The following CDH13 variants were observed in gnomAD, a reference collection of about 807,000 sequenced individuals.
The protein encoded by CDH13 is cadherin 13.
A neutral mutation model predicts 63.8 loss-of-function variants in CDH13; 24 were observed. That is an observed-to-expected ratio of 0.38 (90% confidence interval 0.27 to 0.53). CDH13 has a LOEUF of 0.53. Among genes scored for constraint, CDH13 ranks in the 20% least tolerant of loss-of-function variants. The probability of loss-of-function intolerance (pLI) is 0.85; values close to 1 mark genes in which losing one functional copy is unlikely to be tolerated. For missense variants in CDH13, 1,049 were observed against 903.1 expected (o/e 1.16, Z -2.07); for synonymous variants, 503 against 355.3 (o/e 1.42, Z -4.67).
chr16:83,345,073 T>C (rs748807299), intron 6 of CDH13, 67 bp downstream of exon 6: 62 of 1,557,394 alleles, frequency 4.0e-5, no homozygotes, highest in Non-Finnish European at 5.3e-5. Flanking sequence ...CTTTGTGGAT[T>C]CTAGGGACTG....
intron 7 of CDH13, among the ~76,000 whole-genome samples, chr16:83,499,710 G>A (rs1190632401): frequency 6.6e-6 from 1 of 152,198 alleles, no homozygotes; most frequent in African/African-American, 2.4e-5. Flanking sequence ...GCTTAGGAGG[G>A]TAATAGCTGA....
At chr16:83,533,429 G>A (rs1385390459) in intron 7 of CDH13, among the ~76,000 whole-genome samples, 5 of 152,016 alleles carry the variant, frequency 3.3e-5, no homozygotes, top group Admixed American at 3.3e-4. Context: ...TCTGTGGGCA[G>A]CAGGTCCCTG....
intron 5 of CDH13, among the ~76,000 whole-genome samples, chr16:83,246,125 G>T (rs1904968707): frequency 2.0e-5 from 3 of 152,194 alleles, no homozygotes; most frequent in African/African-American, 7.2e-5. Context: ...TTTAGAATAG[G>T]GTTTTATTAA....
chr16:83,394,614 G>A (rs1050374148), intron 6 of CDH13, among the ~76,000 whole-genome samples: 1 of 152,234 alleles, frequency 6.6e-6, no homozygotes, highest in African/African-American at 2.4e-5. Flanking sequence ...CCAAGGTTTT[G>A]AGCAGAAGCG....
chr16:83,259,503 G>C (rs1364967403), intron 5 of CDH13, among the ~76,000 whole-genome samples: 1 of 152,028 alleles, frequency 6.6e-6, no homozygotes, highest in Non-Finnish European at 1.5e-5. Context: ...TTAAGTGTTG[G>C]TTTGGTTGAT....
At chr16:83,516,153 C>T (rs2074694609) in intron 7 of CDH13, among the ~76,000 whole-genome samples, 1 of 152,168 alleles carries the variant, frequency 6.6e-6, no homozygotes, top group East Asian at 1.9e-4. Flanking sequence ...TAGCTCATGG[C>T]ATTTGTTAGC....
chr16:83,526,306 T>TG (rs2074957805), intron 7 of CDH13, among the ~76,000 whole-genome samples: 3 of 152,166 alleles, frequency 2.0e-5, no homozygotes, highest in African/African-American at 7.2e-5. Context: ...AGCTTTGTGT[T>TG]GTAGCCTCAA....
At chr16:82,971,796 T>G (rs1597329700) in intron 2 of CDH13, among the ~76,000 whole-genome samples, 1 of 152,210 alleles carries the variant, frequency 6.6e-6, no homozygotes, top group Non-Finnish European at 1.5e-5. Context: ...TAACTGCCTG[T>G]GCCCCTTAAA....
chr16:83,494,028 T>C (rs1199460398), intron 7 of CDH13, among the ~76,000 whole-genome samples: 1 of 152,214 alleles, frequency 6.6e-6, no homozygotes, highest in Admixed American at 6.5e-5. Context: ...TCTTAAAGTA[T>C]CAGACAATCA....
intron 11 of CDH13, among the ~76,000 whole-genome samples, chr16:83,753,838 A>T (rs1310734992): frequency 6.6e-6 from 1 of 151,998 alleles, no homozygotes; most frequent in East Asian, 1.9e-4. Flanking sequence ...AAATTATAAA[A>T]ATCAGATAAT....
At chr16:83,442,236 A>G (rs1260845376) in intron 6 of CDH13, among the ~76,000 whole-genome samples, 1 of 152,212 alleles carries the variant, frequency 6.6e-6, no homozygotes, top group Admixed American at 6.5e-5. Flanking sequence ...CCTCATCCGT[A>G]AAATGAGACA....
At chr16:82,648,360 A>C (rs1273628738) in intron 1 of CDH13, among the ~76,000 whole-genome samples, 1 of 152,244 alleles carries the variant, frequency 6.6e-6, no homozygotes, top group Non-Finnish European at 1.5e-5. Context: ...ATAATAGCCA[A>C]CGCTTAGGAA....
chr16:82,805,628 A>G (rs1335515730), intron 1 of CDH13, among the ~76,000 whole-genome samples: 1 of 152,192 alleles, frequency 6.6e-6, no homozygotes, highest in African/African-American at 2.4e-5. Flanking sequence ...AGTCAGAGTC[A>G]AAGTCAAAAA....
intron 4 of CDH13, among the ~76,000 whole-genome samples, chr16:83,146,875 G>C (rs568481602): frequency 3.9e-4 from 59 of 152,340 alleles, no homozygotes; most frequent in African/African-American, 1.4e-3. Flanking sequence ...ATTCCTTGAG[G>C]TCAGGAGTTC....
chr16:83,299,652 C>A (rs971210891), intron 5 of CDH13, among the ~76,000 whole-genome samples: 2 of 152,214 alleles, frequency 1.3e-5, no homozygotes, highest in African/African-American at 4.8e-5. Context: ...TTAACCTCCT[C>A]TCATTAAGGA....
chr16:83,513,150 G>T (rs2074614750), intron 7 of CDH13, among the ~76,000 whole-genome samples: 1 of 152,176 alleles, frequency 6.6e-6, no homozygotes, highest in Non-Finnish European at 1.5e-5. Context: ...ATGAGAAAAA[G>T]ATTTTGAAAC....
chr16:82,941,152 C>G (rs978764529), intron 2 of CDH13, among the ~76,000 whole-genome samples: 4 of 152,154 alleles, frequency 2.6e-5, no homozygotes, highest in African/African-American at 9.7e-5. Context: ...GAACAAAATG[C>G]CTAAATTCCG....
intron 1 of CDH13, among the ~76,000 whole-genome samples, chr16:82,662,306 G>A (rs891935290): frequency 6.0e-5 from 9 of 150,230 alleles, no homozygotes; most frequent in Non-Finnish European, 1.0e-4. Context: ...CCAAATTGTC[G>A]GCATTAGTTA....
chr16:83,695,935 G>C (rs907573212), intron 10 of CDH13, among the ~76,000 whole-genome samples: 1 of 151,664 alleles, frequency 6.6e-6, no homozygotes, highest in African/African-American at 2.4e-5. Context: ...TGTCACCCAG[G>C]ATGGCCTGCA....
Sources: allele counts gnomAD v4.1 joint callset (sites outside exome capture counted in the v4.1 genomes callset), GRCh38; gene constraint gnomAD v4.1.1; transcripts MANE v1.5; gene names NCBI Gene and HGNC (gene_info 2026-07-23, HGNC 2026-07-21).